TRHDE: variants seen among roughly 807,000 people sequenced by gnomAD.
TRHDE encodes the protein thyrotropin-releasing hormone-degrading ectoenzyme.
Under a neutral mutation model 125.7 loss-of-function variants are expected in TRHDE, and 72 were observed. That is an observed-to-expected ratio of 0.57 (90% CI 0.47 to 0.70). The LOEUF (loss-of-function observed/expected upper bound fraction) is 0.70. Among genes scored for constraint, TRHDE ranks in the 30% least tolerant of loss-of-function variants. The pLI is 0.00. For missense variants in TRHDE, 1,110 were observed against 1,327.1 expected, an observed-to-expected ratio of 0.84 and a Z score of 2.54; for synonymous variants, 509 against 509.1, an observed-to-expected ratio of 1.00 and a Z score of 0.00.
At chr12:72,561,290 T>G (rs1456088323) in intron 7 of TRHDE, among the ~76,000 whole-genome samples, 1 of 151,598 alleles carries the variant, frequency 6.6e-6, no homozygotes, top group Non-Finnish European at 1.5e-5. Context: ...CATTTTTCTT[T>G]TCAGTACTTT....
At chr12:72,279,185 G>A (rs1879602769) in intron 1 of TRHDE, among the ~76,000 whole-genome samples, 1 of 152,166 alleles carries the variant, frequency 6.6e-6, no homozygotes, top group Non-Finnish European at 1.5e-5. Flanking sequence ...ACATGTTTTA[G>A]GTGTGCTTGA....
At chr12:72,417,642 G>A (rs1873787062) in intron 3 of TRHDE, among the ~76,000 whole-genome samples, 1 of 151,940 alleles carries the variant, frequency 6.6e-6, no homozygotes, top group Non-Finnish European at 1.5e-5. Context: ...CTCTGTGACA[G>A]ATTTTTCCCC....
At position 72,544,656 on chromosome 12, in the gene TRHDE, C is replaced by A. The variant is rs544224052; in HGVS notation, c.1788+2300C>A. 5.3e-5 allele frequency among the ~76,000 whole-genome samples: 8 copies of A among 150,854 alleles called. No homozygotes were observed. In the South Asian group the frequency reaches 6.2e-4, roughly 12 times the overall value. On this transcript the variant is annotated intron_variant, in intron 7 of 18. Coordinates refer to ENST00000261180, the MANE Select transcript of TRHDE (RefSeq NM_013381.3). ...TAGGAACAATGTCTTAATGCTCTTT[C>A]TTCTTGATTTATTATCTACCTGAAA...
intron 2 of TRHDE, among the ~76,000 whole-genome samples, chr12:72,110,710 A>G (rs1317452164): frequency 6.6e-6 from 1 of 152,140 alleles, no homozygotes; most frequent in African/African-American, 2.4e-5. Flanking sequence ...CTGTTCTACA[A>G]TGATTTATTC....
intron 3 of TRHDE, among the ~76,000 whole-genome samples, chr12:72,424,662 T>C (rs190322020): frequency 1.5e-4 from 23 of 152,318 alleles, no homozygotes; most frequent in Admixed American, 1.2e-3. Flanking sequence ...CTTGCTAAAT[T>C]CCATCTATTC....
At chr12:72,111,976 G>A (rs1875326172) in intron 2 of TRHDE, among the ~76,000 whole-genome samples, 1 of 151,936 alleles carries the variant, frequency 6.6e-6, no homozygotes, top group African/African-American at 2.4e-5. Context: ...TGTTTGGTTG[G>A]GGGAAAGGAG....
chr12:72,329,384 C>T (rs575224884), intron 2 of TRHDE, among the ~76,000 whole-genome samples: 4 of 152,264 alleles, frequency 2.6e-5, no homozygotes, highest in South Asian at 2.1e-4. Context: ...TTTGGAAACA[C>T]GAATCAGGTA....
intron 3 of TRHDE, among the ~76,000 whole-genome samples, chr12:72,435,679 G>A (rs1874710862): frequency 7.1e-6 from 1 of 141,204 alleles, no homozygotes; most frequent in African/African-American, 2.7e-5. Flanking sequence ...TCTATCCACT[G>A]TTGCCTTGTG....
At chr12:72,442,212 A>G (rs1028047633) in intron 3 of TRHDE, among the ~76,000 whole-genome samples, 3 of 151,856 alleles carry the variant, frequency 2.0e-5, no homozygotes, top group African/African-American at 7.2e-5. Context: ...CTTTTCACTC[A>G]GTTTAAAGGA....
In TRHDE at chr12:72,443,192, C is replaced by CTGTGTGTGTG. The variant is rs58277850; in HGVS notation, c.1316-26536_1316-26527dup. 3.2e-3 allele frequency among the ~76,000 whole-genome samples: 458 copies of CTGTGTGTGTG among 144,510 alleles called. 3 individuals carry two copies. Among genetic ancestry groups the CTGTGTGTGTG allele is most frequent in the African/African-American group, 8.6e-3 (341 of 39,460 alleles). 94.8% of individuals were successfully genotyped at this position (144,510 alleles called of 152,430 possible). ...CCACACATACTTCGCTACTTCTTTC[C>CTGTGTGTGTG]TGTGTGTGTGTGTGTGTGTGTGTGT... is the stretch of plus-strand genomic sequence containing the variant. On this transcript the variant is annotated intron_variant, in intron 3 of 18. Transcript: ENST00000261180.
chr12:72,579,342 T>C (rs1220532528), intron 12 of TRHDE, among the ~76,000 whole-genome samples: 1 of 152,132 alleles, frequency 6.6e-6, no homozygotes, highest in Non-Finnish European at 1.5e-5. Context: ...TAAAAGTTAT[T>C]CATTACTGGT....
intron 3 of TRHDE, among the ~76,000 whole-genome samples, chr12:72,421,118 A>T (rs1400303974): frequency 6.6e-6 from 1 of 152,104 alleles, no homozygotes; most frequent in Non-Finnish European, 1.5e-5. Flanking sequence ...CGTTCCAGTT[A>T]TCTCATTCTG....
chr12:72,373,755 ATC>A (rs1393214730), intron 2 of TRHDE, among the ~76,000 whole-genome samples: 3 of 152,160 alleles, frequency 2.0e-5, no homozygotes, highest in African/African-American at 7.2e-5. Context: ...TTGATCGAGA[ATC>A]TCTCTGGTAT....
intron 2 of TRHDE, among the ~76,000 whole-genome samples, chr12:72,304,966 G>A (rs1330571897): frequency 3.9e-5 from 6 of 152,120 alleles, no homozygotes; most frequent in African/African-American, 1.4e-4. Context: ...TGTCCCACGT[G>A]TCTGTCATCT....
chr12:72,566,318 ATTTT>A (rs573420541), intron 9 of TRHDE, among the ~76,000 whole-genome samples: 1 of 149,732 alleles, frequency 6.7e-6, no homozygotes, highest in South Asian at 2.1e-4. Context: ...GAAATAATAA[ATTTT>A]TTTTTTAAGT....
chr12:72,213,960 A>G (rs190365153), intron 2 of TRHDE, among the ~76,000 whole-genome samples: 54 of 152,284 alleles, frequency 3.5e-4, no homozygotes, highest in Admixed American at 1.5e-3. Flanking sequence ...ACAAGCTGCA[A>G]AGTGAATGAA....
At chr12:72,619,105 A>G (rs1173940821) in intron 13 of TRHDE, 67 bp downstream of exon 13, 15 of 1,241,386 alleles carry the variant, frequency 1.2e-5, no homozygotes, top group Non-Finnish European at 1.5e-5. Flanking sequence ...TTCTACTATT[A>G]TATATGCAAC....
At chr12:72,271,220 T>C (rs1200447967), upstream of TRHDE, among the ~76,000 whole-genome samples, 1 of 152,232 alleles carries the variant, frequency 6.6e-6, no homozygotes, top group Non-Finnish European at 1.5e-5. Flanking sequence ...AACATTATTT[T>C]AGTACTGCAC....
chr12:72,391,835 A>G (rs183060502), intron 3 of TRHDE, among the ~76,000 whole-genome samples: 29 of 152,290 alleles, frequency 1.9e-4, no homozygotes, highest in Non-Finnish European at 3.4e-4. Context: ...TTTGGGCATA[A>G]TTTCTTATAC....
Sources: allele counts gnomAD v4.1 joint callset (sites outside exome capture counted in the v4.1 genomes callset), GRCh38; gene constraint gnomAD v4.1.1; transcripts MANE v1.5; gene names NCBI Gene and HGNC (gene_info 2026-07-23, HGNC 2026-07-21).